The following HS6ST3 variants were observed in gnomAD, a reference collection of about 807,000 sequenced individuals.
HS6ST3 encodes heparan-sulfate 6-O-sulfotransferase 3.
Under a neutral mutation model 36.7 loss-of-function variants are expected in HS6ST3, and 12 were observed. The ratio of observed to expected loss-of-function variants is 0.33; its 90% CI spans 0.21 to 0.53. The LOEUF (loss-of-function observed/expected upper bound fraction) is 0.53. HS6ST3 is among the 20% of genes least tolerant of loss of function. The pLI is 0.95. For missense variants in HS6ST3, 584 were observed against 640.9 expected (o/e 0.91, Z 0.96); for synonymous variants, 240 against 257.5 (o/e 0.93, Z 0.65).
At chr13:96,743,469 T>C (rs1013756310) in intron 1 of HS6ST3, among the ~76,000 whole-genome samples, 56 of 152,086 alleles carry the variant, frequency 3.7e-4, no homozygotes, top group African/African-American at 1.3e-3. Flanking sequence ...CTGGAGAACA[T>C]GGTCATTAAG....
chr13:96,106,311 A>T (rs1296547386), intron 1 of HS6ST3, among the ~76,000 whole-genome samples: 1 of 152,208 alleles, frequency 6.6e-6, no homozygotes, highest in Non-Finnish European at 1.5e-5. Context: ...AGGTTATAAA[A>T]GGACTGTGGC....
chr13:96,674,385 C>A (rs1165973338), intron 1 of HS6ST3, among the ~76,000 whole-genome samples: 2 of 152,096 alleles, frequency 1.3e-5, no homozygotes, highest in Non-Finnish European at 2.9e-5. Flanking sequence ...TATAACAATG[C>A]AAGAACAGAC....
At chr13:96,659,553 A>G (rs573304763) in intron 1 of HS6ST3, among the ~76,000 whole-genome samples, 34 of 152,042 alleles carry the variant, frequency 2.2e-4, no homozygotes, top group Non-Finnish European at 4.3e-4. Flanking sequence ...TTGCTGTATT[A>G]ATGAAGAAAT....
intron 1 of HS6ST3, among the ~76,000 whole-genome samples, chr13:96,772,029 C>A (rs61968185): frequency 0.03 from 4,631 of 152,222 alleles, 76 homozygotes; most frequent in African/African-American, 0.035. Context: ...AATTCCACAG[C>A]ATTTCAGCTT....
At chr13:96,472,566 G>C (rs967305086) in intron 1 of HS6ST3, among the ~76,000 whole-genome samples, 1 of 152,148 alleles carries the variant, frequency 6.6e-6, no homozygotes, top group Non-Finnish European at 1.5e-5. Flanking sequence ...GGCATCTTGT[G>C]CTTGTCTCCA....
chr13:96,390,071 T>C (rs544621006), intron 1 of HS6ST3, among the ~76,000 whole-genome samples: 1 of 152,300 alleles, frequency 6.6e-6, no homozygotes, highest in East Asian at 1.9e-4. Flanking sequence ...GCTAAATTAA[T>C]TGTTTGCCAT....
intron 1 of HS6ST3, among the ~76,000 whole-genome samples, chr13:96,443,479 G>A (rs1286308527): frequency 1.4e-5 from 2 of 141,472 alleles, no homozygotes; most frequent in African/African-American, 5.3e-5. Context: ...GCAGTGAGCC[G>A]AGATCACGCC....
At chr13:96,272,446 C>T (rs189960679) in intron 1 of HS6ST3, among the ~76,000 whole-genome samples, 48 of 152,054 alleles carry the variant, frequency 3.2e-4, no homozygotes, top group African/African-American at 1.1e-3. Context: ...AGGAATTCCT[C>T]CTCCCCAATT....
intron 1 of HS6ST3, among the ~76,000 whole-genome samples, chr13:96,673,050 A>G (rs913931782): frequency 6.6e-6 from 1 of 152,150 alleles, no homozygotes; most frequent in African/African-American, 2.4e-5. Flanking sequence ...CAGGGGCTCT[A>G]GAGGAGAACC....
At chr13:96,222,760 C>T (rs748699827) in intron 1 of HS6ST3, among the ~76,000 whole-genome samples, 3 of 152,184 alleles carry the variant, frequency 2.0e-5, no homozygotes, top group Non-Finnish European at 4.4e-5. Flanking sequence ...ACTTCTATGC[C>T]TTCTATGCCA....
At chr13:96,346,826 G>T (rs1006822545) in intron 1 of HS6ST3, among the ~76,000 whole-genome samples, 5 of 152,024 alleles carry the variant, frequency 3.3e-5, no homozygotes, top group African/African-American at 1.2e-4. Context: ...CTTTCTTCTA[G>T]TATAGAATAT....
intron 1 of HS6ST3, among the ~76,000 whole-genome samples, chr13:96,573,402 T>TG (rs1321326423): frequency 1.3e-5 from 2 of 152,136 alleles, no homozygotes; most frequent in African/African-American, 4.8e-5. Context: ...GCCAGATGCA[T>TG]GACTCCATGA....
intron 1 of HS6ST3, among the ~76,000 whole-genome samples, chr13:96,220,256 T>G (rs2054448964): frequency 6.6e-6 from 1 of 152,250 alleles, no homozygotes. Flanking sequence ...AATCTGATAT[T>G]AGATGTATTT....
At chr13:96,459,277 A>G (rs1278727050) in intron 1 of HS6ST3, among the ~76,000 whole-genome samples, 1 of 152,028 alleles carries the variant, frequency 6.6e-6, no homozygotes, top group African/African-American at 2.4e-5. Context: ...GAAAAAATAA[A>G]TACATGTCTA....
chr13:96,772,226 G>T (rs913057922), intron 1 of HS6ST3, among the ~76,000 whole-genome samples: 7 of 152,184 alleles, frequency 4.6e-5, no homozygotes, highest in Non-Finnish European at 1.0e-4. Flanking sequence ...GCTGCCTCGG[G>T]CCTCCTGCCC....
chr13:96,556,321 C>A (rs1403229008), intron 1 of HS6ST3, among the ~76,000 whole-genome samples: 1 of 152,136 alleles, frequency 6.6e-6, no homozygotes, highest in Non-Finnish European at 1.5e-5. Context: ...AAAGAAGAAA[C>A]CCCGCTGGAC....
intron 1 of HS6ST3, among the ~76,000 whole-genome samples, chr13:96,294,995 G>T (rs996531703): frequency 2.6e-5 from 4 of 152,020 alleles, no homozygotes; most frequent in Admixed American, 6.6e-5. Context: ...AATTAGTTAT[G>T]TTAAAGGAGT....
intron 1 of HS6ST3, among the ~76,000 whole-genome samples, chr13:96,580,616 T>C (rs890524498): frequency 6.6e-5 from 10 of 152,084 alleles, no homozygotes; most frequent in African/African-American, 2.2e-4. Context: ...TGTGGAAAGA[T>C]TTTTTTGATT....
intron 1 of HS6ST3, among the ~76,000 whole-genome samples, chr13:96,695,683 C>T (rs1875108185): frequency 6.9e-6 from 1 of 144,426 alleles, no homozygotes; most frequent in African/African-American, 2.6e-5. Flanking sequence ...GTGATCCTCC[C>T]ACCTCAGCCT....
Sources: gnomAD v4.1 joint callset for allele counts (sites outside exome capture counted in the v4.1 genomes callset) on GRCh38, gnomAD v4.1.1 for gene constraint, MANE v1.5 for transcripts, NCBI Gene and HGNC (gene_info 2026-07-23, HGNC 2026-07-21) for gene names.